Variants in TADA2A observed in about 807,000 individuals in gnomAD.
TADA2A encodes the protein transcriptional adaptor 2A, also known as transcriptional adapter 2-alpha.
Under a neutral mutation model 67.4 loss-of-function variants are expected in TADA2A, and 38 were observed. That is an observed-to-expected ratio of 0.56 (90% confidence interval 0.44 to 0.74). The LOEUF (loss-of-function observed/expected upper bound fraction) is 0.74, where lower values mean the gene tolerates loss of function less well. TADA2A is among the 30% of genes least tolerant of loss of function. The pLI, the probability that TADA2A is intolerant of heterozygous loss-of-function variation, is 0.00. For missense variants in TADA2A, 454 were observed against 547.0 expected, an observed-to-expected ratio of 0.83 and a Z score of 1.70; for synonymous variants, 192 against 181.6, an observed-to-expected ratio of 1.06 and a Z score of -0.46.
At chr17:37,447,699 T>A (rs926109368) in intron 8 of TADA2A, among the ~76,000 whole-genome samples, 1 of 152,184 alleles carries the variant, frequency 6.6e-6, no homozygotes, top group African/African-American at 2.4e-5. Flanking sequence ...AGAGAGGTAT[T>A]TTGTTTACAG....
At chr17:37,458,236 G>A (rs1037019053) in intron 8 of TADA2A, among the ~76,000 whole-genome samples, 25 of 152,334 alleles carry the variant, frequency 1.6e-4, no homozygotes, top group African/African-American at 5.1e-4. Context: ...CTCCATTCAT[G>A]TCCTGGCAAA....
At chr17:37,448,338 T>C (rs1468303890) in intron 8 of TADA2A, among the ~76,000 whole-genome samples, 1 of 152,198 alleles carries the variant, frequency 6.6e-6, no homozygotes, top group East Asian at 1.9e-4. Flanking sequence ...ATAATTGTAT[T>C]GCAGCCATAC....
At chr17:37,474,487 T>C in intron 14 of TADA2A, 69 bp from the exon 15 acceptor site, 1 of 1,522,744 alleles carries the variant, frequency 6.6e-7, no homozygotes, top group South Asian at 1.2e-5. Flanking sequence ...CACTGAACTT[T>C]TTAATACTTT....
chr17:37,470,247 T>C (rs2053757497), intron 12 of TADA2A, among the ~76,000 whole-genome samples, 153 bp from the exon 13 acceptor site: 1 of 152,166 alleles, frequency 6.6e-6, no homozygotes, highest in African/African-American at 2.4e-5. Context: ...CTAGGGAAAA[T>C]CTACTTGGGT....
At chr17:37,465,698 G>C in intron 11 of TADA2A, 157 bp downstream of exon 11, 3 of 1,382,196 alleles carry the variant, frequency 2.2e-6, no homozygotes, top group Non-Finnish European at 2.9e-6. Flanking sequence ...GGGACTATGG[G>C]GGTGGCAGAA....
chr17:37,432,552 A>G (rs1039757626), intron 4 of TADA2A, among the ~76,000 whole-genome samples: 1 of 152,208 alleles, frequency 6.6e-6, no homozygotes, highest in Non-Finnish European at 1.5e-5. Flanking sequence ...TTACTGAGTA[A>G]TATTCTGTTG....
At chr17:37,409,721 C>G (rs558157750) in intron 1 of TADA2A, among the ~76,000 whole-genome samples, 1 of 150,798 alleles carries the variant, frequency 6.6e-6, no homozygotes, top group Admixed American at 6.6e-5. Flanking sequence ...GAGCTGAGAT[C>G]GTGCCATTGC....
rs948785288 is a variant in TADA2A at position 37,419,701 on chromosome 17, G to A, written c.26-3808G>A. Reference sequence around the variant, plus strand: ...GCTGAGGCATGAGAATTGCTTGAACGTGGGAGGCAGAGGTTTCAGTGAGCT... The same window carrying A: ...GCTGAGGCATGAGAATTGCTTGAACATGGGAGGCAGAGGTTTCAGTGAGCT... On this transcript the variant is annotated intron_variant, in intron 2 of 15. Transcript: ENST00000615182. Among the ~76,000 whole-genome samples, 9 of 143,290 alleles carry A rather than the reference G, an allele frequency of 6.3e-5. 1 individual carries two copies. Among genetic ancestry groups the A allele is most frequent in the Non-Finnish European group, 1.1e-4 (7 of 64,706 alleles). The allele number at this position is 143,290 out of a possible 152,430, so 94.0% of individuals were successfully genotyped here.
At chr17:37,450,098 A>C (rs1290642928) in intron 8 of TADA2A, among the ~76,000 whole-genome samples, 1 of 152,232 alleles carries the variant, frequency 6.6e-6, no homozygotes, top group Non-Finnish European at 1.5e-5. Flanking sequence ...AAACAAACTC[A>C]TAATGTCTTA....
chr17:37,407,132 C>T (rs1010242316), intron 1 of TADA2A, 183 bp downstream of exon 1: 23 of 146,816 alleles, frequency 1.6e-4, no homozygotes, highest in African/African-American at 5.5e-4. Context: ...CGGCGGGCCT[C>T]GCCGCTCTGT....
intron 8 of TADA2A, among the ~76,000 whole-genome samples, chr17:37,453,759 ATTTTTTT>A (rs143096066): frequency 1.2e-4 from 8 of 69,106 alleles, no homozygotes; most frequent in Non-Finnish European, 1.7e-4. Context: ...GAAATAACTG[ATTTTTTT>A]TTTTTTTTTT....
At chr17:37,436,147 C>A (rs1389428109) in intron 4 of TADA2A, among the ~76,000 whole-genome samples, 1 of 152,024 alleles carries the variant, frequency 6.6e-6, no homozygotes, top group Non-Finnish European at 1.5e-5. Context: ...AACATATACA[C>A]ATACACTAAT....
intron 10 of TADA2A, among the ~76,000 whole-genome samples, chr17:37,464,748 A>T (rs1194676228): frequency 6.6e-6 from 1 of 150,608 alleles, no homozygotes; most frequent in African/African-American, 2.4e-5. Flanking sequence ...TGAGACAGGA[A>T]AATTGCTTGA....
intron 8 of TADA2A, among the ~76,000 whole-genome samples, chr17:37,451,677 G>A (rs2053238048): frequency 2.0e-5 from 3 of 151,244 alleles, no homozygotes; most frequent in African/African-American, 7.3e-5. Flanking sequence ...ATGGCATCTT[G>A]TATCTTACAA....
intron 15 of TADA2A, among the ~76,000 whole-genome samples, chr17:37,475,261 T>A (rs2053869435): frequency 6.6e-6 from 1 of 152,018 alleles, no homozygotes; most frequent in African/African-American, 2.4e-5. Flanking sequence ...AGCCTCCACC[T>A]CCCAGGTTCA....
intron 4 of TADA2A, among the ~76,000 whole-genome samples, chr17:37,428,156 G>A (rs80223386): frequency 0.051 from 7,832 of 152,112 alleles, 259 homozygotes; most frequent in Middle Eastern, 0.082. Context: ...ATTTTCTATC[G>A]ATGCTGCAAC....
rs1034770659 is a variant in TADA2A, at chr17:37,426,696, A to C, written c.133-254A>C. On this transcript the variant is annotated intron_variant, in intron 3 of 15. Transcript: ENST00000615182. ...AAAAAAAAAAAAAAAAAAACTTGTC[A>C]AGAAGTGGTGTGGTGGCCCACACCT... The C allele has an allele frequency of 1.7e-4, 53 of 303,674 alleles. No homozygotes were observed. In the East Asian group the frequency reaches 2.7e-3, roughly 16 times the overall value. The allele number at this position is 303,674 out of a possible 1,614,324, so 18.8% of individuals were successfully genotyped here.
Position 37,444,747 on chromosome 17 carries a change from G to T in TADA2A, c.583G>T (p.Asp195Tyr). The part of the protein sequence containing the change: ...WDLRDIDFVE[D>Y]DSDILHALKM... ...CTTGAGAGACATTGATTTTGTTGAA[G>T]ATGACTCGGACATTTTACATGGTAA... Residue 195 changes from aspartate to tyrosine, a missense_variant, in exon 8 of 16, where the codon GAT becomes TAT. By Grantham distance (160) the Asp-to-Tyr change is radical. Coordinates refer to ENST00000615182, the MANE Select transcript of TADA2A (RefSeq NM_001166105.3). 6.2e-7 allele frequency: 1 copy of T among 1,614,078 alleles called. No homozygotes were observed. The highest frequency in any genetic ancestry group is 8.5e-7 in the Non-Finnish European group (1 of 1,179,994).
At chr17:37,423,225 T>C (rs1597859157) in intron 2 of TADA2A, among the ~76,000 whole-genome samples, 1 of 152,208 alleles carries the variant, frequency 6.6e-6, no homozygotes, top group Non-Finnish European at 1.5e-5. Context: ...AGCAAGACCC[T>C]GTCTCTAAAA....
Sources: gnomAD v4.1 joint callset for allele counts (sites outside exome capture counted in the v4.1 genomes callset) on GRCh38, gnomAD v4.1.1 for gene constraint, MANE v1.5 for transcripts, NCBI Gene and HGNC (gene_info 2026-07-23, HGNC 2026-07-21) for gene names.